The following PRPF38B variants were observed in gnomAD, a reference collection of about 807,000 sequenced individuals.
The protein encoded by PRPF38B is pre-mRNA processing factor 38B.
PRPF38B carries 18 observed loss-of-function variants against 67.2 expected under a neutral mutation model. That is an observed-to-expected ratio of 0.27 (90% CI 0.19 to 0.40). PRPF38B has a LOEUF of 0.40. PRPF38B is among the 10% of genes least tolerant of loss of function. The pLI is 1.00. For synonymous variants in PRPF38B, 246 were observed against 234.2 expected, an observed-to-expected ratio of 1.05 and a Z score of -0.46; for missense variants, 544 against 684.9, an observed-to-expected ratio of 0.79 and a Z score of 2.30.
Position 108,698,734 on chromosome 1 carries a change from A to T in PRPF38B, c.689A>T (p.Asp230Val). ...RIPVPVQKNIDQQIKTRPRKI... is the reference protein window; with the variant it reads ...RIPVPVQKNIVQQIKTRPRKI... The stretch of plus-strand genomic sequence containing the variant: ...CCAGTTCCAGTTCAAAAGAATATTG[A>T]TCAACAGATTAAAACCCGACCTAGA... The change falls in exon 5 of 6, where the codon GAT (aspartate) becomes GTT (valine). Residue 230 changes from aspartate (D) to valine (V), a missense_variant. Transcript: ENST00000370025. 1.2e-6 allele frequency: 2 copies of T among 1,614,064 alleles called. No homozygotes were observed. The highest frequency in any genetic ancestry group is 1.7e-6 in the Non-Finnish European group (2 of 1,179,946).
chr1:108,696,796 G>C lies in PRPF38B; in HGVS notation c.558+459G>C, dbSNP rs559296411. ...GTATTCCCACTTGCATAGAAGTGCA[G>C]AATTGAAGAGTTGGGTGTTACATAA... On this transcript the variant is annotated intron_variant, in intron 4 of 5. Transcript: ENST00000370025. The C allele has an allele frequency of 1.4e-4, 102 of 714,500 alleles. No homozygotes were observed. In the African/African-American group the frequency reaches 1.7e-3, roughly 12 times the overall value. 44.3% of individuals were successfully genotyped at this position (714,500 alleles called of 1,614,324 possible). A position where few individuals can be genotyped will look rare whatever the true frequency, so the allele number is the denominator to read the frequency against.
At chr1:108,695,151 G>A (rs1437609575) in intron 1 of PRPF38B, among the ~76,000 whole-genome samples, 2 of 151,990 alleles carry the variant, frequency 1.3e-5, no homozygotes, top group African/African-American at 2.4e-5. Context: ...CAAGTAACTC[G>A]TTACTGTTTT....
chr1:108,700,070 T>G lies in PRPF38B; in HGVS notation c.*50T>G. The G allele has an allele frequency of 6.5e-7, 1 of 1,527,580 alleles. No individual in the cohort carries two copies. The highest frequency in any genetic ancestry group is 8.7e-7 in the Non-Finnish European group (1 of 1,143,932). 94.6% of individuals were successfully genotyped at this position (1,527,580 alleles called of 1,614,324 possible). A position where few individuals can be genotyped will look rare whatever the true frequency, so the allele number is the denominator to read the frequency against. On this transcript the variant is annotated 3_prime_UTR_variant, in exon 6 of 6. Coordinates refer to ENST00000370025, the MANE Select transcript of PRPF38B (RefSeq NM_018061.4). ...ATTGAATCCTATAAATGATTAAATCTGCTTTTTTCCCCCACGTTGAGATTG... is the reference window on the plus strand; with the variant it reads ...ATTGAATCCTATAAATGATTAAATCGGCTTTTTTCCCCCACGTTGAGATTG...
intron 1 of PRPF38B, 133 bp downstream of exon 1, chr1:108,693,000 G>C: frequency 8.5e-7 from 1 of 1,174,686 alleles, no homozygotes; most frequent in Non-Finnish European, 1.2e-6. Flanking sequence ...GGTGGCTGCG[G>C]CCTGTAGTGT....
chr1:108,702,101 C>G lies in PRPF38B; in HGVS notation c.*2081C>G, dbSNP rs1253007230. Among the ~76,000 whole-genome samples, 2 of 152,158 alleles carry G rather than the reference C, an allele frequency of 1.3e-5. No homozygotes were observed. The highest frequency in any genetic ancestry group is 2.9e-5 in the Non-Finnish European group (2 of 68,026). On this transcript the variant is annotated 3_prime_UTR_variant, in exon 6 of 6. Coordinates refer to ENST00000370025, the MANE Select transcript of PRPF38B (RefSeq NM_018061.4). ...CCTCGATTGACAGTTCGATGATCGTCACTACATTTGATTTCTTGTGGGTTT... is the reference window on the plus strand; with the variant it reads ...CCTCGATTGACAGTTCGATGATCGTGACTACATTTGATTTCTTGTGGGTTT...
rs754937366 is a variant in PRPF38B at position 108,692,603 on chromosome 1, C to T, written c.12C>T (p.Asn4=). 19 of 1,535,746 alleles carry T rather than the reference C, an allele frequency of 1.2e-5. No individual in the cohort carries two copies. Among genetic ancestry groups the T allele is most frequent in the Non-Finnish European group, 6.2e-6 (7 of 1,136,224 alleles). ...CCTTCCGCCGCAACATGGCTAACAA[C>T]AGCCCCGCGCTGACAGGCAACTCGC... The part of the protein sequence containing the change: MAN[N]SPALTGNSQP... The change falls in exon 1 of 6, where the codon AAC becomes AAT. Residue 4 remains asparagine, a synonymous_variant. Coordinates refer to ENST00000370025, the MANE Select transcript of PRPF38B (RefSeq NM_018061.4).
At position 108,699,745 on chromosome 1, in the gene PRPF38B, T is replaced by C. The variant is rs149462391; in HGVS notation, c.1366T>C (p.Ser456Pro). 5.0e-5 allele frequency: 80 copies of C among 1,612,828 alleles called. No homozygotes were observed. In the African/African-American group the frequency reaches 9.4e-4, roughly 19 times the overall value. ...KRSRSRSKEK[S>P]SKHKNESKEK... ...AAGTAGAAGTAGAAGCAAAGAGAAATCAAGTAAACATAAAAATGAAAGTAA... is the reference window on the plus strand; with the variant it reads ...AAGTAGAAGTAGAAGCAAAGAGAAACCAAGTAAACATAAAAATGAAAGTAA... The change falls in exon 6 of 6, where the codon TCA (serine) becomes CCA (proline). Residue 456 changes from serine to proline, a missense_variant. By Grantham distance (74) the Ser-to-Pro change is moderately conservative. Coordinates refer to ENST00000370025, the MANE Select transcript of PRPF38B (RefSeq NM_018061.4).
In PRPF38B at chr1:108,700,282, A is replaced by C; in HGVS notation, c.*262A>C. The C allele has an allele frequency of 2.4e-6, 1 of 414,044 alleles. No homozygotes were observed. The highest frequency in any genetic ancestry group is 4.5e-5 in the Admixed American group (1 of 22,262). 25.6% of individuals were successfully genotyped at this position (414,044 alleles called of 1,614,324 possible). A position where few individuals can be genotyped will look rare whatever the true frequency, so the allele number is the denominator to read the frequency against. ...TGTTTTTGAAATGTACAGTCTGTAC[A>C]TATGTCCTGAAAATGTTTTAATTCC... is the stretch of plus-strand genomic sequence containing the variant. On this transcript the variant is annotated 3_prime_UTR_variant, in exon 6 of 6. Coordinates refer to ENST00000370025, the MANE Select transcript of PRPF38B (RefSeq NM_018061.4).
Position 108,699,904 on chromosome 1 carries a change from A to G in PRPF38B, c.1525A>G (p.Lys509Glu), listed in dbSNP as rs1660293784. 6 of 1,614,226 alleles carry G rather than the reference A, an allele frequency of 3.7e-6. No individual in the cohort carries two copies. Among genetic ancestry groups the G allele is most frequent in the Non-Finnish European group, 5.1e-6 (6 of 1,180,040 alleles). ...KRSRSKERSHKRDHSDSKDQS... is the reference protein window; with the variant it reads ...KRSRSKERSHERDHSDSKDQS... ...TAGTAGAAGCAAAGAACGTTCCCAC[A>G]AACGAGATCACAGTGATAGTAAGGA... The change falls in exon 6 of 6, where the codon AAA becomes GAA. Residue 509 changes from lysine (K) to glutamate (E), a missense_variant. Lys to Glu is a moderately conservative substitution (Grantham distance 56). Coordinates refer to ENST00000370025, the MANE Select transcript of PRPF38B (RefSeq NM_018061.4).
At chr1:108,698,312 T>G (rs1660084971) in intron 4 of PRPF38B, 1 of 281,604 alleles carries the variant, frequency 3.6e-6, no homozygotes, top group Non-Finnish European at 6.6e-6. Context: ...GAATGTAAAT[T>G]TAAGTCAATC....
In PRPF38B at chr1:108,696,090, G is replaced by GT; in HGVS notation, c.395dup (p.Leu132PhefsTer27). 6.2e-7 allele frequency: 1 copy of GT among 1,613,972 alleles called. No individual in the cohort carries two copies. Among genetic ancestry groups the GT allele is most frequent in the Non-Finnish European group, 8.5e-7 (1 of 1,179,914 alleles). ...GAATTGTTTCTACAGCATTTTGCCTGTTATACAAATTATTTACCCTGAAGT... is the reference window on the plus strand; with the variant it reads ...GAATTGTTTCTACAGCATTTTGCCTGTTTATACAAATTATTTACCCTGAAGT... On this transcript the variant is annotated frameshift_variant, in exon 3 of 6. Coordinates refer to ENST00000370025, the MANE Select transcript of PRPF38B (RefSeq NM_018061.4). LOFTEE classifies it high-confidence loss of function.
Position 108,696,962 on chromosome 1 carries a change from A to G in PRPF38B, c.558+625A>G, listed in dbSNP as rs138415713. The G allele has an allele frequency of 6.3e-4, 349 of 555,836 alleles. 1 individual carries two copies. The highest frequency in any genetic ancestry group is 5.9e-3 in the African/African-American group (307 of 51,834). The allele number at this position is 555,836 out of a possible 1,614,324, so 34.4% of individuals were successfully genotyped here. On this transcript the variant is annotated intron_variant, in intron 4 of 5. Transcript: ENST00000370025. ...GTCTCCCTAATTTGAAATCTGAAAT[A>G]CTAAGTTAGATTTAAATCGTGTATG...
rs1284687684 is a variant in PRPF38B, at chr1:108,702,593, CAT to C, written c.*2574_*2575del. Among the ~76,000 whole-genome samples, 3 of 152,016 alleles carry C rather than the reference CAT, an allele frequency of 2.0e-5. No individual in the cohort carries two copies. Among genetic ancestry groups the C allele is most frequent in the African/African-American group, 4.8e-5 (2 of 41,376 alleles). On this transcript the variant is annotated 3_prime_UTR_variant, in exon 6 of 6. Transcript: ENST00000370025. ...GAAAGACATCTCACATTTCTTGAAA[CAT>C]GAGAACATTTGGACACGAACATCAC...
chr1:108,694,530 T>A (rs1384632920), intron 1 of PRPF38B, among the ~76,000 whole-genome samples: 2 of 152,222 alleles, frequency 1.3e-5, no homozygotes, highest in African/African-American at 4.8e-5. Context: ...AATTTTATTT[T>A]GTATGCATCC....
chr1:108,699,645 G>C lies in PRPF38B; in HGVS notation c.1266G>C (p.Glu422Asp). The C allele has an allele frequency of 6.4e-7, 1 of 1,563,578 alleles. No individual in the cohort carries two copies. The highest frequency in any genetic ancestry group is 8.7e-7 in the Non-Finnish European group (1 of 1,154,150). The change falls in exon 6 of 6, where the codon GAG becomes GAC. Residue 422 changes from glutamate to aspartate, a missense_variant. This residue lies in a region of PRPF38B where 387 missense variants were observed against 386.1 expected (regional missense o/e 1.00). Coordinates refer to ENST00000370025, the MANE Select transcript of PRPF38B (RefSeq NM_018061.4). ...ATGACAAAAGAGATTCCAAGAAAGA[G>C]AAAAAACACAGTAGAAGCAGAAGCA... The part of the protein sequence containing the change: ...HRDDKRDSKK[E>D]KKHSRSRSRE...
Position 108,699,377 on chromosome 1 carries a change from G to C in PRPF38B, c.998G>C (p.Arg333Thr). Reference sequence around the variant, plus strand: ...TTAGAACGCAGGCGCAGCAGAAGTAGGGAAAGGCATAGAAGTCGCAGTCGA... The same window carrying C: ...TTAGAACGCAGGCGCAGCAGAAGTACGGAAAGGCATAGAAGTCGCAGTCGA... ...RGLERRRSRS[R>T]ERHRSRSRSR... Residue 333 changes from arginine (R) to threonine (T), a missense_variant, in exon 6 of 6, where the codon AGG (arginine) becomes ACG (threonine). Around this residue, in one of 5 missense-constraint regions of PRPF38B, gnomAD observed 387 missense variants for 386.1 expected, o/e 1.00. Transcript: ENST00000370025. 6.2e-7 allele frequency: 1 copy of C among 1,614,174 alleles called. No individual in the cohort carries two copies.
chr1:108,699,872 G>C lies in PRPF38B; in HGVS notation c.1493G>C (p.Arg498Thr). 6.2e-7 allele frequency: 1 copy of C among 1,614,040 alleles called. No homozygotes were observed. The highest frequency in any genetic ancestry group is 8.5e-7 in the Non-Finnish European group (1 of 1,179,988). Residue 498 changes from arginine to threonine, a missense_variant, in exon 6 of 6, where the codon AGA becomes ACA. Physicochemically the swap from Arg to Thr is moderately conservative, Grantham distance 71. This residue lies in a region of PRPF38B where 387 missense variants were observed against 386.1 expected (regional missense o/e 1.00). Coordinates refer to ENST00000370025, the MANE Select transcript of PRPF38B (RefSeq NM_018061.4). The part of the protein sequence containing the change: ...REHSPSKEKS[R>T]KRSRSKERSH... ...CATAGTCCCAGCAAAGAAAAATCTA[G>C]AAAGCGTAGTAGAAGCAAAGAACGT...
At chr1:108,696,016 C>G (rs188372092) in intron 2 of PRPF38B, 27 bp from the exon 3 acceptor site, 37 of 1,603,278 alleles carry the variant, frequency 2.3e-5, no homozygotes, top group Non-Finnish European at 3.0e-5. Flanking sequence ...TATTTTACTA[C>G]TTTTTCTTAA....
Position 108,700,079 on chromosome 1 carries a change from C to CT in PRPF38B, c.*59_*60insT, listed in dbSNP as rs1660325987. On this transcript the variant is annotated 3_prime_UTR_variant, in exon 6 of 6. Coordinates refer to ENST00000370025, the MANE Select transcript of PRPF38B (RefSeq NM_018061.4). Reference sequence around the variant, plus strand: ...TATAAATGATTAAATCTGCTTTTTTCCCCCACGTTGAGATTGTGCAGTAGT... The same window carrying CT: ...TATAAATGATTAAATCTGCTTTTTTCTCCCCACGTTGAGATTGTGCAGTAGT... The CT allele has an allele frequency of 6.6e-7, 1 of 1,521,334 alleles. No individual in the cohort carries two copies. Among genetic ancestry groups the CT allele is most frequent in the Non-Finnish European group, 8.8e-7 (1 of 1,140,984 alleles). The allele number at this position is 1,521,334 out of a possible 1,614,324, so 94.2% of individuals were successfully genotyped here.
Sources: gnomAD v4.1 joint callset for allele counts (sites outside exome capture counted in the v4.1 genomes callset) on GRCh38, gnomAD v4.1.1 for gene constraint, gnomAD v4.1.1 regional missense constraint, MANE v1.5 for transcripts, NCBI Gene and HGNC (gene_info 2026-07-23, HGNC 2026-07-21) for gene names.